ABCB7: variants seen among roughly 807,000 people sequenced by gnomAD.
ABCB7 encodes iron-sulfur clusters transporter ABCB7, mitochondrial.
ABCB7 carries 7 observed loss-of-function variants against 54.4 expected under a neutral mutation model. The ratio of observed to expected loss-of-function variants is 0.13; its 90% CI spans 0.07 to 0.24. ABCB7 has a LOEUF of 0.24. Among genes scored for constraint, ABCB7 ranks in the 10% least tolerant of loss-of-function variants. The pLI is 1.00. For missense variants in ABCB7, 356 were observed against 570.4 expected (o/e 0.62, Z 3.83); for synonymous variants, 218 against 207.1 (o/e 1.05, Z -0.45).
chrX:75,063,697 T>C (rs745838356), intron 13 of ABCB7, among the ~76,000 whole-genome samples: 5 of 111,712 alleles, frequency 4.5e-5, no homozygotes, highest in Non-Finnish European at 9.4e-5. Flanking sequence ...ACCAACTCAG[T>C]TGTAATTCTA....
chrX:75,089,553 C>T (rs5981764), intron 4 of ABCB7, among the ~76,000 whole-genome samples: 3,183 of 109,181 alleles, frequency 0.029, 116 homozygotes, highest in African/African-American at 0.1. Context: ...AAAGTATAAT[C>T]GGAATGTTAA....
chrX:75,107,886 G>C (rs1262367463), intron 3 of ABCB7, among the ~76,000 whole-genome samples: 1 of 110,781 alleles, frequency 9.0e-6, no homozygotes, highest in Non-Finnish European at 1.9e-5. Context: ...ATAGCACCAA[G>C]CAGGCACTGG....
intron 12 of ABCB7, among the ~76,000 whole-genome samples, chrX:75,067,406 A>T (rs1482642070): frequency 8.9e-6 from 1 of 112,117 alleles, no homozygotes; most frequent in Non-Finnish European, 1.9e-5. Flanking sequence ...ATGGATGAGG[A>T]CACTGAATCC....
intron 4 of ABCB7, among the ~76,000 whole-genome samples, chrX:75,094,111 T>C (rs1343705883): frequency 9.8e-6 from 1 of 102,198 alleles, no homozygotes; most frequent in Non-Finnish European, 1.9e-5. Context: ...ATATCACCTG[T>C]TATACTTTAT....
At chrX:75,084,469 T>C in intron 4 of ABCB7, among the ~76,000 whole-genome samples, 1 of 111,841 alleles carries the variant, frequency 8.9e-6, no homozygotes, top group South Asian at 3.7e-4. Context: ...GTTCAGTACA[T>C]ATTTTTTAAA....
intron 1 of ABCB7, among the ~76,000 whole-genome samples, chrX:75,146,142 C>T (rs778831514): frequency 8.2e-5 from 9 of 109,932 alleles, no homozygotes; most frequent in Middle Eastern, 4.6e-3. Context: ...AACTACAAAC[C>T]GCTAATCAAA....
rs1459729425 is a variant in ABCB7, at chrX:75,067,185, T to C, written c.1659+1822A>G. On this transcript the variant is annotated intron_variant, in intron 12 of 15. Transcript: ENST00000373394. Reference sequence around the variant, plus strand: ...TTTACACAGCCTTGCCCAAACTGGATATTAGGAATTTCAAAATCCTTACCA... The same window carrying C: ...TTTACACAGCCTTGCCCAAACTGGACATTAGGAATTTCAAAATCCTTACCA... Among the ~76,000 whole-genome samples, 4 of 111,866 alleles carry C rather than the reference T, an allele frequency of 3.6e-5. No individual in the cohort carries two copies. In the East Asian group the frequency reaches 1.1e-3, roughly 31 times the overall value.
chrX:75,119,263 G>T (rs1039034677), intron 1 of ABCB7, among the ~76,000 whole-genome samples: 1 of 112,179 alleles, frequency 8.9e-6, no homozygotes, highest in African/African-American at 3.2e-5. Context: ...GGATTTTTCT[G>T]CCTAGATTAA....
At chrX:75,067,547 C>T (rs1270963018) in intron 12 of ABCB7, among the ~76,000 whole-genome samples, 2 of 110,430 alleles carry the variant, frequency 1.8e-5, no homozygotes, top group Non-Finnish European at 3.8e-5. Flanking sequence ...TGCAATGGCG[C>T]GATCTCGGCT....
At chrX:75,153,626 G>A (rs1321004049) in intron 1 of ABCB7, among the ~76,000 whole-genome samples, 1 of 108,088 alleles carries the variant, frequency 9.3e-6, no homozygotes, top group Non-Finnish European at 1.9e-5. Context: ...AAACAAAACA[G>A]TACCTATCCA....
At chrX:75,068,368 C>T (rs192124890) in intron 12 of ABCB7, among the ~76,000 whole-genome samples, 40 of 111,822 alleles carry the variant, frequency 3.6e-4, no homozygotes, top group African/African-American at 1.2e-3. Context: ...AAGCTCACAT[C>T]CTATAAGGCT....
In ABCB7 at chrX:75,062,341, G is replaced by A. The variant is rs1002483499; in HGVS notation, c.1922C>T (p.Ser641Leu). 23 of 1,204,674 alleles carry A rather than the reference G, an allele frequency of 1.9e-5. No individual in the cohort carries two copies. Among genetic ancestry groups the A allele is most frequent in the African/African-American group, 1.2e-4 (7 of 57,047 alleles). Residue 641 changes from serine to leucine, a missense_variant, in exon 14 of 16, where the codon TCG (serine) becomes TTG (leucine). Coordinates refer to ENST00000373394, the MANE Select transcript of ABCB7 (RefSeq NM_001271696.3). ...LYDEATSSLD[S>L]ITEETILGAM... ...ATCATAACTTACCTCTTCAGTAATC[G>A]AATCTAACGATGAAGTAGCTTCATC...
rs764366879 is a variant in ABCB7 at position 75,119,652 on chromosome X, C to T, written c.169-4821G>A. On this transcript the variant is annotated intron_variant, in intron 1 of 15. Coordinates refer to ENST00000373394, the MANE Select transcript of ABCB7 (RefSeq NM_001271696.3). ...TTTAGTATAAAAATCATACAGGAAG[C>T]ACTGTCAAATATGAAATGGTATTTG... Among the ~76,000 whole-genome samples the T allele has an allele frequency of 2.1e-3, 240 of 111,855 alleles. 1 individual carries two copies. The highest frequency in any genetic ancestry group is 3.8e-3 in the Non-Finnish European group (203 of 53,195).
intron 1 of ABCB7, among the ~76,000 whole-genome samples, chrX:75,118,609 C>T (rs1338295372): frequency 9.0e-6 from 1 of 111,151 alleles, no homozygotes; most frequent in Non-Finnish European, 1.9e-5. Flanking sequence ...ATTTTGCATT[C>T]CATTATCTGA....
intron 1 of ABCB7, among the ~76,000 whole-genome samples, chrX:75,115,266 C>CAAAAAAAAAA (rs1160024642): frequency 1.5e-4 from 2 of 13,252 alleles, no homozygotes; most frequent in East Asian, 3.9e-3. Context: ...GACTCTGTCT[C>CAAAAAAAAAA]AAAAAAAAAA....
intron 10 of ABCB7, 41 bp downstream of exon 10, chrX:75,070,324 T>C: frequency 3.5e-6 from 4 of 1,137,520 alleles, no homozygotes; most frequent in African/African-American, 1.8e-5. Flanking sequence ...AATAGGATGA[T>C]GTTCACATAC....
At chrX:75,136,571 AAAC>A (rs972346386) in intron 1 of ABCB7, among the ~76,000 whole-genome samples, 58 of 111,272 alleles carry the variant, frequency 5.2e-4, no homozygotes, top group African/African-American at 1.5e-3. Flanking sequence ...AACAAAAACA[AAAC>A]AACAACAACA....
Position 75,148,987 on chromosome X carries a change from T to C in ABCB7, c.168+7118A>G, listed in dbSNP as rs187621147. ...AAAATATGAATATATTACAATATTA[T>C]AGTATAAGTTACTCAAGATCAGTAA... is the stretch of plus-strand genomic sequence containing the variant. On this transcript the variant is annotated intron_variant, in intron 1 of 15. Transcript: ENST00000373394. Among the ~76,000 whole-genome samples, 33 of 111,800 alleles carry C rather than the reference T, an allele frequency of 3.0e-4. 1 individual carries two copies. The East Asian group carries it at 8.7e-3, about 29-fold the overall frequency.
intron 15 of ABCB7, among the ~76,000 whole-genome samples, chrX:75,053,973 T>C (rs1016123036): frequency 9.8e-5 from 11 of 112,398 alleles, no homozygotes; most frequent in African/African-American, 3.6e-4. Context: ...TTAAAAGATT[T>C]AAAAATAATA....
Sources: gnomAD v4.1 joint callset for allele counts (sites outside exome capture counted in the v4.1 genomes callset) on GRCh38, gnomAD v4.1.1 for gene constraint, MANE v1.5 for transcripts, NCBI Gene and HGNC (gene_info 2026-07-23, HGNC 2026-07-21) for gene names.